Variants in AGBL1 observed in about 807,000 individuals in gnomAD.
AGBL1 encodes the protein AGBL carboxypeptidase 1, also known as cytosolic carboxypeptidase 4.
Under a neutral mutation model 118.9 loss-of-function variants are expected in AGBL1, and 130 were observed. The observed-to-expected ratio is 1.09, with a 90% confidence interval of 0.95 to 1.26. The LOEUF is 1.26. Among genes scored for constraint, AGBL1 ranks in the 50% most tolerant of loss-of-function variants. The probability of loss-of-function intolerance (pLI) is 0.00; values close to 1 mark genes in which losing one functional copy is unlikely to be tolerated. For synonymous variants in AGBL1, 555 were observed against 478.9 expected, an observed-to-expected ratio of 1.16 and a Z score of -2.08; for missense variants, 1,584 against 1,298.1, an observed-to-expected ratio of 1.22 and a Z score of -3.38.
chr15:86,676,995 G>T (rs373809409), intron 22 of AGBL1, among the ~76,000 whole-genome samples: 1 of 152,000 alleles, frequency 6.6e-6, no homozygotes, highest in Non-Finnish European at 1.5e-5. Context: ...CAGCCTGGGC[G>T]ACAGAGGGAG....
intron 22 of AGBL1, among the ~76,000 whole-genome samples, chr15:86,901,131 A>G (rs1274493495): frequency 6.6e-6 from 1 of 152,170 alleles, no homozygotes; most frequent in African/African-American, 2.4e-5. Flanking sequence ...GATAATGACC[A>G]TTCGATGGTT....
In AGBL1 at chr15:86,695,140, A is replaced by G. The variant is rs2086234450; in HGVS notation, c.3158+20704A>G. On this transcript the variant is annotated intron_variant, in intron 22 of 22. Coordinates refer to ENST00000614907, the MANE Select transcript of AGBL1 (RefSeq NM_001386094.1). The stretch of plus-strand genomic sequence containing the variant: ...TTTAGGGAGGATTTCCTCTTTCTCT[A>G]TGTTGTGGAATAGTGTCAATAGGAT... 2.6e-5 allele frequency among the ~76,000 whole-genome samples: 4 copies of G among 151,792 alleles called. No homozygotes were observed. In the South Asian group the frequency reaches 6.2e-4, roughly 24 times the overall value.
intron 24 of AGBL1, chr15:86,988,272 G>A (rs534846157): frequency 1.3e-4 from 78 of 619,820 alleles, no homozygotes; most frequent in Non-Finnish European, 1.9e-4. Context: ...TGGTTGCAAC[G>A]ATTTACATTC....
chr15:86,510,654 C>T (rs1284470362), intron 18 of AGBL1, among the ~76,000 whole-genome samples: 1 of 151,972 alleles, frequency 6.6e-6, no homozygotes, highest in Non-Finnish European at 1.5e-5. Context: ...GATTTCTCTC[C>T]AACAAGGAAT....
chr15:86,154,956 C>T (rs1567091416), intron 4 of AGBL1, among the ~76,000 whole-genome samples: 1 of 152,162 alleles, frequency 6.6e-6, no homozygotes, highest in Non-Finnish European at 1.5e-5. Flanking sequence ...CATCACAAAT[C>T]TCCCTACCAT....
chr15:86,585,605 A>G lies in AGBL1; in HGVS notation c.2994+31068A>G, dbSNP rs549980676. On this transcript the variant is annotated intron_variant, in intron 21 of 22. Transcript: ENST00000614907. ...GGTCTTGAACTCCTGTTCTCAGGCA[A>G]TCCTCCTGCCTCAGCCTCCCAAAGC... is the stretch of plus-strand genomic sequence containing the variant. Among the ~76,000 whole-genome samples the G allele has an allele frequency of 2.0e-5, 3 of 152,210 alleles. No homozygotes were observed. The East Asian group carries it at 5.8e-4, about 29-fold the overall frequency.
chr15:86,140,497 G>A (rs1386123480), intron 1 of AGBL1, among the ~76,000 whole-genome samples: 2 of 152,158 alleles, frequency 1.3e-5, no homozygotes, highest in Non-Finnish European at 2.9e-5. Flanking sequence ...CTTGTGCCAG[G>A]TGCTGGAAAG....
In AGBL1 at chr15:86,822,596, T is replaced by G. The variant is rs115836747; in HGVS notation, c.3159-84491T>G. On this transcript the variant is annotated intron_variant, in intron 22 of 22. Coordinates refer to ENST00000614907, the MANE Select transcript of AGBL1 (RefSeq NM_001386094.1). ...ATAGGAATTGTGGAGTTGGGTGGTG[T>G]TCTGTGGTTAGCAGGTCTATGCGAA... 8.9e-3 allele frequency among the ~76,000 whole-genome samples: 1,360 copies of G among 152,226 alleles called. 19 individuals are homozygous for G. The highest frequency in any genetic ancestry group is 0.032 in the African/African-American group (1,320 of 41,544).
chr15:86,813,921 C>T (rs1217817593), intron 22 of AGBL1, among the ~76,000 whole-genome samples: 17 of 152,178 alleles, frequency 1.1e-4, no homozygotes, highest in Admixed American at 9.8e-4. Context: ...ATAGAATTGA[C>T]CCTGAACCCT....
chr15:86,430,467 C>A (rs528930597), intron 18 of AGBL1, among the ~76,000 whole-genome samples: 129 of 150,082 alleles, frequency 8.6e-4, no homozygotes, highest in African/African-American at 3.1e-3. Flanking sequence ...TGCACTCCAG[C>A]CTGGGTGAAA....
chr15:86,368,443 T>G (rs761165503), intron 17 of AGBL1, among the ~76,000 whole-genome samples: 1 of 152,188 alleles, frequency 6.6e-6, no homozygotes, highest in Non-Finnish European at 1.5e-5. Flanking sequence ...AAATTTTATA[T>G]GAAGATTTTA....
At chr15:86,833,385 G>A (rs1420697248) in intron 22 of AGBL1, among the ~76,000 whole-genome samples, 1 of 152,044 alleles carries the variant, frequency 6.6e-6, no homozygotes, top group African/African-American at 2.4e-5. Context: ...TTGAATCATG[G>A]GGGCTGGTTT....
rs777727244 is a variant in AGBL1 at position 86,279,762 on chromosome 15, C to T, written c.2199C>T (p.Pro733=). 71 of 1,613,686 alleles carry T rather than the reference C, an allele frequency of 4.4e-5. 2 individuals carry two copies. The South Asian group carries it at 7.8e-4, about 18-fold the overall frequency. Reference sequence around the variant, plus strand: ...TCTGCTACCTGGCCTACCACTATCCCTATACCTACACAGCCCTCATGGTAA... The same window carrying T: ...TCTGCTACCTGGCCTACCACTATCCTTATACCTACACAGCCCTCATGGTAA... ...EDVCYLAYHY[P]YTYTALMTHL... Residue 733 remains proline, a synonymous_variant, in exon 16 of 23, where the codon CCC becomes CCT. Transcript: ENST00000614907.
intron 22 of AGBL1, among the ~76,000 whole-genome samples, chr15:86,736,763 C>A (rs2077606652): frequency 6.6e-6 from 1 of 152,114 alleles, no homozygotes; most frequent in African/African-American, 2.4e-5. Flanking sequence ...TATAAACAGG[C>A]CTGCGACATT....
At chr15:86,692,341 G>A (rs2086187211) in intron 22 of AGBL1, among the ~76,000 whole-genome samples, 1 of 152,078 alleles carries the variant, frequency 6.6e-6, no homozygotes, top group Non-Finnish European at 1.5e-5. Context: ...CAAGATCAGG[G>A]AAGCAATAAA....
chr15:86,108,223 A>G (rs933383391), intron 1 of AGBL1, among the ~76,000 whole-genome samples: 1 of 152,256 alleles, frequency 6.6e-6, no homozygotes, highest in Non-Finnish European at 1.5e-5. Context: ...TTAAGTTTAC[A>G]TACTTCACAT....
Position 86,977,391 on chromosome 15 carries a change from G to GT in AGBL1, c.3222-10585dup, listed in dbSNP as rs201674525. 3.6e-3 allele frequency among the ~76,000 whole-genome samples: 523 copies of GT among 143,968 alleles called. 1 individual carries two copies. Among genetic ancestry groups the GT allele is most frequent in the African/African-American group, 9.2e-3 (364 of 39,606 alleles). 94.4% of individuals were successfully genotyped at this position (143,968 alleles called of 152,430 possible). ...TTATTGTTCCTTTTTCTTTATTAAA[G>GT]TTTTTTTTTTTACTATTGTGATACA... is the stretch of plus-strand genomic sequence containing the variant. On this transcript the variant is annotated intron_variant, in intron 23 of 24. Coordinates refer to the AGBL1 transcript ENST00000441037.
chr15:86,746,313 A>T (rs759880797), intron 22 of AGBL1, among the ~76,000 whole-genome samples: 1 of 152,154 alleles, frequency 6.6e-6, no homozygotes, highest in Non-Finnish European at 1.5e-5. Flanking sequence ...TTCAAACATG[A>T]CATATGTCTC....
intron 18 of AGBL1, among the ~76,000 whole-genome samples, chr15:86,450,357 A>G (rs1464048735): frequency 6.6e-6 from 1 of 152,170 alleles, no homozygotes; most frequent in Non-Finnish European, 1.5e-5. Flanking sequence ...AAGTTGGGAC[A>G]TACATATTTT....
Sources: allele counts gnomAD v4.1 joint callset (sites outside exome capture counted in the v4.1 genomes callset), GRCh38; gene constraint gnomAD v4.1.1; transcripts MANE v1.5; gene names NCBI Gene and HGNC (gene_info 2026-07-23, HGNC 2026-07-21).